CPNE4: variants seen among roughly 807,000 people sequenced by gnomAD.
CPNE4 encodes copine 4.
A neutral mutation model predicts 67.9 loss-of-function variants in CPNE4; 25 were observed. The observed-to-expected ratio is 0.37, with a 90% CI of 0.27 to 0.51. The LOEUF is 0.51. Among genes scored for constraint, CPNE4 ranks in the 20% least tolerant of loss-of-function variants. The pLI is 0.93. For synonymous variants in CPNE4, 242 were observed against 244.9 expected, an observed-to-expected ratio of 0.99 and a Z score of 0.11; for missense variants, 464 against 690.8, an observed-to-expected ratio of 0.67 and a Z score of 3.68.
intron 7 of CPNE4, among the ~76,000 whole-genome samples, chr3:131,624,112 T>C (rs964485903): frequency 1.2e-4 from 19 of 152,316 alleles, no homozygotes; most frequent in Non-Finnish European, 2.2e-4. Context: ...CTGAGTTTTG[T>C]CTGCGAATTT....
chr3:131,781,220 C>T (rs540296381), intron 2 of CPNE4, among the ~76,000 whole-genome samples: 21 of 152,022 alleles, frequency 1.4e-4, no homozygotes, highest in Middle Eastern at 3.2e-3. Flanking sequence ...GAGTGAGCAG[C>T]GAAGACATTT....
chr3:131,668,235 A>G (rs1005272535), intron 7 of CPNE4, among the ~76,000 whole-genome samples: 1 of 152,226 alleles, frequency 6.6e-6, no homozygotes, highest in African/African-American at 2.4e-5. Context: ...CTTGAGATTA[A>G]CCAATCAGAT....
At chr3:131,635,212 G>T (rs1037894522) in intron 7 of CPNE4, among the ~76,000 whole-genome samples, 6 of 152,250 alleles carry the variant, frequency 3.9e-5, no homozygotes, top group Admixed American at 3.3e-4. Flanking sequence ...AAACCTGCGG[G>T]TCATAGAATG....
At chr3:131,691,483 G>A (rs2081031731) in intron 5 of CPNE4, among the ~76,000 whole-genome samples, 2 of 152,138 alleles carry the variant, frequency 1.3e-5, no homozygotes, top group Admixed American at 1.3e-4. Flanking sequence ...ACTTCTGAGA[G>A]CTAAACATTG....
At chr3:131,678,361 T>C (rs1393974900) in intron 6 of CPNE4, among the ~76,000 whole-genome samples, 1 of 152,166 alleles carries the variant, frequency 6.6e-6, no homozygotes, top group Non-Finnish European at 1.5e-5. Flanking sequence ...TTTCTAGATA[T>C]AGGATCATGT....
chr3:131,864,918 G>A (rs375542245), intron 2 of CPNE4, among the ~76,000 whole-genome samples: 6 of 151,948 alleles, frequency 3.9e-5, no homozygotes, highest in Non-Finnish European at 8.8e-5. Context: ...TAGCACGAAG[G>A]GTTGTTGAAT....
intron 2 of CPNE4, among the ~76,000 whole-genome samples, chr3:131,742,803 A>G (rs1297870305): frequency 5.3e-5 from 8 of 152,164 alleles, no homozygotes; most frequent in Admixed American, 3.9e-4. Context: ...AGATATTTCA[A>G]ACACCTTAGA....
At chr3:131,781,092 C>CAA (rs141148117) in intron 2 of CPNE4, among the ~76,000 whole-genome samples, 1 of 148,736 alleles carries the variant, frequency 6.7e-6, no homozygotes. Context: ...GTGGCTGTGA[C>CAA]AAAAAAAAAA....
intron 7 of CPNE4, among the ~76,000 whole-genome samples, chr3:131,642,175 T>A (rs1408716130): frequency 6.6e-6 from 1 of 152,098 alleles, no homozygotes; most frequent in Non-Finnish European, 1.5e-5. Context: ...AATAAAAAAA[T>A]TTAAAAAGAC....
At chr3:131,866,955 A>C (rs944787450) in intron 2 of CPNE4, among the ~76,000 whole-genome samples, 1 of 152,208 alleles carries the variant, frequency 6.6e-6, no homozygotes, top group African/African-American at 2.4e-5. Context: ...AAGAGGGCAC[A>C]GAAGAGAATA....
intron 2 of CPNE4, among the ~76,000 whole-genome samples, chr3:131,874,255 A>T (rs895990767): frequency 1.3e-5 from 2 of 151,780 alleles, no homozygotes; most frequent in Non-Finnish European, 2.9e-5. Context: ...CGCCCAGCTA[A>T]TTTTTTGTAT....
intron 2 of CPNE4, among the ~76,000 whole-genome samples, chr3:131,857,627 G>A (rs774188595): frequency 5.3e-5 from 8 of 152,050 alleles, no homozygotes; most frequent in Non-Finnish European, 1.2e-4. Context: ...TACAGTTATA[G>A]ATAATTGGTG....
intron 7 of CPNE4, among the ~76,000 whole-genome samples, chr3:131,597,758 G>C (rs1348943637): frequency 6.6e-6 from 1 of 152,052 alleles, no homozygotes; most frequent in Non-Finnish European, 1.5e-5. Context: ...CATGTTCTAA[G>C]CTTCTATGTA....
At chr3:131,710,601 C>T (rs960237474) in intron 3 of CPNE4, among the ~76,000 whole-genome samples, 1 of 152,094 alleles carries the variant, frequency 6.6e-6, no homozygotes, top group Non-Finnish European at 1.5e-5. Flanking sequence ...TGAAATTTCG[C>T]TCTGCAACTT....
At chr3:131,839,594 T>C (rs1212299896) in intron 2 of CPNE4, among the ~76,000 whole-genome samples, 2 of 152,074 alleles carry the variant, frequency 1.3e-5, no homozygotes, top group South Asian at 2.1e-4. Context: ...CATATATTCA[T>C]TTATACATAT....
intron 1 of CPNE4, among the ~76,000 whole-genome samples, chr3:132,007,732 A>T (rs1919995): frequency 6.6e-6 from 1 of 151,942 alleles, no homozygotes; most frequent in Non-Finnish European, 1.5e-5. Context: ...ATTCATCATA[A>T]ATTTATTCTA....
intron 2 of CPNE4, among the ~76,000 whole-genome samples, chr3:131,864,413 G>A (rs889800057): frequency 1.3e-5 from 2 of 152,004 alleles, no homozygotes; most frequent in African/African-American, 4.8e-5. Flanking sequence ...CCTTGAAGAG[G>A]TCCTTCATGT....
At chr3:131,687,190 A>AGAGT (rs2080912480) in intron 5 of CPNE4, among the ~76,000 whole-genome samples, 1 of 152,198 alleles carries the variant, frequency 6.6e-6, no homozygotes, top group Admixed American at 6.5e-5. Flanking sequence ...TTTTAGTGAG[A>AGAGT]GAGTGATGTA....
intron 7 of CPNE4, among the ~76,000 whole-genome samples, chr3:131,620,071 G>T (rs888341705): frequency 1.3e-5 from 2 of 152,174 alleles, no homozygotes; most frequent in Non-Finnish European, 1.5e-5. Context: ...ATTCTGCCAG[G>T]CTCTCTCGGG....
Sources: allele counts gnomAD v4.1 joint callset (sites outside exome capture counted in the v4.1 genomes callset), GRCh38; gene constraint gnomAD v4.1.1; transcripts MANE v1.5; gene names NCBI Gene and HGNC (gene_info 2026-07-23, HGNC 2026-07-21).